Variants in PCID2 observed in about 807,000 individuals in gnomAD.
PCID2 encodes the protein PCI domain-containing protein 2.
PCID2 carries 41 observed loss-of-function variants against 61.3 expected under a neutral mutation model. The observed-to-expected ratio is 0.67, with a 90% CI of 0.52 to 0.87. The LOEUF (loss-of-function observed/expected upper bound fraction) is 0.87, where lower values mean the gene tolerates loss of function less well. Ranked by LOEUF, PCID2 falls within the 40% of genes least tolerant of loss-of-function variation. The pLI is 0.00. For missense variants in PCID2, 392 were observed against 493.4 expected (o/e 0.79, Z 1.95); for synonymous variants, 187 against 177.8 (o/e 1.05, Z -0.41).
intron 1 of PCID2, among the ~76,000 whole-genome samples, chr13:113,206,696 A>C (rs1364287573): frequency 6.6e-6 from 1 of 152,266 alleles, no homozygotes; most frequent in East Asian, 1.9e-4. Flanking sequence ...ATCTGTTAAT[A>C]CATAAAACTT....
In PCID2 at chr13:113,196,169, G is replaced by A; in HGVS notation, c.308+12C>T. ...GCCATTTGCTAATTCAGCTGTTTCT[G>A]TTCACACTTACCAGTTTTCTTCTTT... On this transcript the variant is annotated intron_variant, in intron 5 of 13. Transcript: ENST00000337344. 1 of 1,601,494 alleles carries A rather than the reference G, an allele frequency of 6.2e-7. No individual in the cohort carries two copies. The highest frequency in any genetic ancestry group is 8.5e-7 in the Non-Finnish European group (1 of 1,169,902).
At position 113,178,214 on chromosome 13, in the gene PCID2, A is replaced by C; in HGVS notation, c.1184T>G (p.Leu395Arg). Residue 395 changes from leucine (L) to arginine (R), a missense_variant, in exon 14 of 14, where the codon CTG becomes CGG. Transcript: ENST00000337344. Reference protein sequence around the residue: ...VVSKQNPFPPLSTVC With the variant: ...VVSKQNPFPPRSTVC ...CGTGTACTTTCAACACACCGTGGAC[A>C]GGGGAGGAAATGGGTTCTGCTTGCT... 6.2e-7 allele frequency: 1 copy of C among 1,613,206 alleles called. No homozygotes were observed.
At chr13:113,207,465 G>T (rs2039972430) in intron 1 of PCID2, among the ~76,000 whole-genome samples, 1 of 152,132 alleles carries the variant, frequency 6.6e-6, no homozygotes, top group Non-Finnish European at 1.5e-5. Context: ...AGTCTGCTAA[G>T]ATTAGGCCAA....
chr13:113,173,954 C>T (rs539871375), downstream of PCID2, among the ~76,000 whole-genome samples: 10 of 152,148 alleles, frequency 6.6e-5, no homozygotes, highest in South Asian at 2.1e-4. Flanking sequence ...CCAGTCCAGG[C>T]GCAGTAGCTC....
chr13:113,193,769 G>A (rs1473928143), intron 6 of PCID2, among the ~76,000 whole-genome samples: 1 of 151,780 alleles, frequency 6.6e-6, no homozygotes, highest in Non-Finnish European at 1.5e-5. Context: ...CTATTTCCTT[G>A]TTGAGACTTT....
At chr13:113,181,031 G>A in intron 10 of PCID2, 99 bp downstream of exon 10, 1 of 783,648 alleles carries the variant, frequency 1.3e-6, no homozygotes, top group Admixed American at 1.9e-5. Context: ...CTCAGGCTGT[G>A]ATCAACTACA....
At chr13:113,172,550 C>T (rs1028737457), downstream of PCID2, among the ~76,000 whole-genome samples, 1 of 152,194 alleles carries the variant, frequency 6.6e-6, no homozygotes, top group Non-Finnish European at 1.5e-5. Flanking sequence ...CCAATTGCCA[C>T]TGTGACTGAG....
At chr13:113,182,687 A>G (rs945663828) in intron 9 of PCID2, among the ~76,000 whole-genome samples, 4 of 152,068 alleles carry the variant, frequency 2.6e-5, no homozygotes, top group East Asian at 1.9e-4. Context: ...TTTTTAGTAG[A>G]GACGGGGTTT....
the PCID2 span, chr13:113,171,892 C>T: frequency 6.2e-7 from 1 of 1,613,712 alleles, no homozygotes; most frequent in Non-Finnish European, 8.5e-7. The surrounding 1 kb of genome is among the most constrained non-coding windows in gnomAD (Gnocchi z 5.1). Flanking sequence ...GCGGGCAGGT[C>T]CTGAATGTGA....
In PCID2 at chr13:113,200,411, C is replaced by A; in HGVS notation, c.126+16G>T. 6.6e-7 allele frequency: 1 copy of A among 1,513,350 alleles called. No homozygotes were observed. Among genetic ancestry groups the A allele is most frequent in the Non-Finnish European group, 9.2e-7 (1 of 1,088,078 alleles). 93.7% of individuals were successfully genotyped at this position (1,513,350 alleles called of 1,614,324 possible). ...AATTGTCTGCAGACACCTGTGTGCA[C>A]AGCTCTTTCACCTACTTGAAGTCGT... On this transcript the variant is annotated intron_variant, in intron 2 of 13. Coordinates refer to ENST00000337344, the MANE Select transcript of PCID2 (RefSeq NM_001127202.4).
At chr13:113,203,868 T>A (rs1432601718) in intron 1 of PCID2, among the ~76,000 whole-genome samples, 1 of 152,232 alleles carries the variant, frequency 6.6e-6, no homozygotes, top group Non-Finnish European at 1.5e-5. Context: ...CAGGTCTTGG[T>A]CTGCAAGTCC....
chr13:113,176,510 C>A, downstream of PCID2, among the ~76,000 whole-genome samples: 3 of 150,600 alleles, frequency 2.0e-5, no homozygotes, highest in African/African-American at 4.9e-5. Context: ...GCCTGTCACC[C>A]CAGCACTTTG....
At chr13:113,207,981 T>C in intron 1 of PCID2, 2 of 1,545,210 alleles carry the variant, frequency 1.3e-6, no homozygotes, top group Non-Finnish European at 1.8e-6. Context: ...ATGCGTTGAA[T>C]CTTTACAAGT....
chr13:113,177,013 A>G (rs1356318267), downstream of PCID2, among the ~76,000 whole-genome samples: 2 of 152,008 alleles, frequency 1.3e-5, no homozygotes, highest in East Asian at 1.9e-4. Context: ...GCGACTGTCA[A>G]CCTCGCCGTG....
intron 9 of PCID2, among the ~76,000 whole-genome samples, chr13:113,182,457 G>A (rs908588303): frequency 6.6e-6 from 1 of 152,152 alleles, no homozygotes; most frequent in African/African-American, 2.4e-5. Flanking sequence ...CTTTGCTACT[G>A]CCCAAGGTAA....
chr13:113,196,204 G>C lies in PCID2; in HGVS notation c.285C>G (p.Phe95Leu), dbSNP rs769965981. The C allele has an allele frequency of 1.2e-6, 2 of 1,603,150 alleles. No homozygotes were observed. Among genetic ancestry groups the C allele is most frequent in the Non-Finnish European group, 1.7e-6 (2 of 1,171,844 alleles). ...TVIVQSFLRA[F>L]QAHKEENWAL... ...ACCAGTTTTCTTCTTTGTGGGCCTG[G>C]AATGCTCGCAAGAATGATGTACTGT... Residue 95 changes from phenylalanine to leucine, a missense_variant, in exon 5 of 14, where the codon TTC becomes TTG. Around this residue, in one of 3 missense-constraint regions of PCID2, gnomAD observed 155 missense variants for 164.9 expected, o/e 0.94. Coordinates refer to ENST00000337344, the MANE Select transcript of PCID2 (RefSeq NM_001127202.4).
At chr13:113,196,077 T>G in intron 5 of PCID2, 104 bp downstream of exon 5, 1 of 813,470 alleles carries the variant, frequency 1.2e-6, no homozygotes, top group Middle Eastern at 2.3e-4. Context: ...TTACCAAATA[T>G]CCACATGGAA....
At chr13:113,172,761 G>A (rs3024776), downstream of PCID2, among the ~76,000 whole-genome samples, 27,316 of 152,180 alleles carry the variant, frequency 0.18, 3,004 homozygotes, top group South Asian at 0.41. Context: ...GGGGCCCGAA[G>A]TCAGGGCTGA....
chr13:113,192,789 T>G (rs923032149), intron 6 of PCID2, among the ~76,000 whole-genome samples: 3 of 152,202 alleles, frequency 2.0e-5, no homozygotes, highest in Non-Finnish European at 4.4e-5. Context: ...CCAAATGGTC[T>G]GCTATGGTCT....
Sources: allele counts gnomAD v4.1 joint callset (sites outside exome capture counted in the v4.1 genomes callset), GRCh38; gene constraint gnomAD v4.1.1; regional missense constraint gnomAD v4.1.1; non-coding constraint Gnocchi (gnomAD v3.1); transcripts MANE v1.5; gene names NCBI Gene and HGNC (gene_info 2026-07-23, HGNC 2026-07-21).